The following ZNF251 variants were observed in gnomAD, a reference collection of about 807,000 sequenced individuals.
ZNF251 encodes zinc finger protein 251.
A neutral mutation model predicts 13.5 loss-of-function variants in ZNF251; 14 were observed. The observed-to-expected ratio is 1.04, with a 90% CI of 0.69 to 1.63. ZNF251 has a LOEUF of 1.63. Among genes scored for constraint, ZNF251 ranks in the 40% most tolerant of loss-of-function variants. The pLI is 0.00. For synonymous variants in ZNF251, 287 were observed against 295.2 expected, an observed-to-expected ratio of 0.97 and a Z score of 0.28; for missense variants, 764 against 834.9, an observed-to-expected ratio of 0.92 and a Z score of 1.05.
In ZNF251 at chr8:144,721,790, A is replaced by G; in HGVS notation, c.1870T>C (p.Cys624Arg). 1 of 1,484,818 alleles carries G rather than the reference A, an allele frequency of 6.7e-7. No individual in the cohort carries two copies. Among genetic ancestry groups the G allele is most frequent in the Non-Finnish European group, 9.0e-7 (1 of 1,117,256 alleles). 92.0% of individuals were successfully genotyped at this position (1,484,818 alleles called of 1,614,324 possible). A position where few individuals can be genotyped will look rare whatever the true frequency, so the allele number is the denominator to read the frequency against. Residue 624 changes from cysteine (C) to arginine (R), a missense_variant, in exon 5 of 5, where the codon TGC becomes CGC. Cys to Arg is a radical substitution (Grantham distance 180). Transcript: ENST00000292562. Reference sequence around the variant, plus strand: ...CTGAAGGCTTTCCCATACACACTGCAATGACATGGTTTCTGACCAGTGTGA... The same window carrying G: ...CTGAAGGCTTTCCCATACACACTGCGATGACATGGTTTCTGACCAGTGTGA... The part of the protein sequence containing the change: ...VTHTGQKPCH[C>R]SVYGKAFSQS...
intron 4 of ZNF251, among the ~76,000 whole-genome samples, chr8:144,750,534 CTTGT>C (rs1824643574): frequency 6.6e-6 from 1 of 152,190 alleles, no homozygotes; most frequent in African/African-American, 2.4e-5. Context: ...GAGGGCAGGT[CTTGT>C]TAAGAACAGA....
intron 1 of ZNF251, chr8:144,755,186 A>C: frequency 8.5e-7 from 1 of 1,171,500 alleles, no homozygotes; most frequent in African/African-American, 1.7e-5. Context: ...CGAAGGCCCC[A>C]GGCTCCGGGG....
At chr8:144,753,473 T>C (rs191627589) in intron 4 of ZNF251, 7 of 534,580 alleles carry the variant, frequency 1.3e-5, no homozygotes, top group Admixed American at 1.0e-4. Flanking sequence ...AAGTAGTATA[T>C]ATATATTTTT....
At chr8:144,750,449 ATT>A (rs775715259) in intron 4 of ZNF251, among the ~76,000 whole-genome samples, 44 of 152,218 alleles carry the variant, frequency 2.9e-4, no homozygotes, top group Non-Finnish European at 5.9e-4. Context: ...AGTGTTAGGT[ATT>A]TCCCTTCCCC....
chr8:144,730,639 C>T (rs1434140558), intron 4 of ZNF251, among the ~76,000 whole-genome samples: 3 of 152,204 alleles, frequency 2.0e-5, no homozygotes, highest in Non-Finnish European at 4.4e-5. Flanking sequence ...CCAACAAACA[C>T]GACTGAAACT....
At position 144,732,551 on chromosome 8, in the gene ZNF251, G is replaced by A. The variant is rs143882316; in HGVS notation, c.278-9169C>T. Reference sequence around the variant, plus strand: ...AGCCAAGCCGGGCGCGGTGGCTCACGCCTGTAATCCCAGCACTTGGGGAGG... The same window carrying A: ...AGCCAAGCCGGGCGCGGTGGCTCACACCTGTAATCCCAGCACTTGGGGAGG... On this transcript the variant is annotated intron_variant, in intron 4 of 4. Transcript: ENST00000292562. Among the ~76,000 whole-genome samples the A allele has an allele frequency of 5.4e-3, 825 of 151,952 alleles. 4 individuals are homozygous for A. Among genetic ancestry groups the A allele is most frequent in the South Asian group, 9.4e-3 (45 of 4,798 alleles).
At chr8:144,729,560 T>C (rs1012250259) in intron 4 of ZNF251, among the ~76,000 whole-genome samples, 1 of 152,034 alleles carries the variant, frequency 6.6e-6, no homozygotes, top group African/African-American at 2.4e-5. Context: ...ATGGTCTCGA[T>C]CTCCTGACCT....
rs367765073 is a variant in ZNF251 at position 144,732,668 on chromosome 8, T to C, written c.278-9286A>G. On this transcript the variant is annotated intron_variant, in intron 4 of 4. Coordinates refer to ENST00000292562, the MANE Select transcript of ZNF251 (RefSeq NM_138367.2). ...TCTACTAAAAATACAAAAAATTAGCTGGGTGTGGTGGCAGGCACTTATAGT... is the reference window on the plus strand; with the variant it reads ...TCTACTAAAAATACAAAAAATTAGCCGGGTGTGGTGGCAGGCACTTATAGT... Among the ~76,000 whole-genome samples the C allele has an allele frequency of 7.4e-3, 1,121 of 151,818 alleles. 7 individuals carry two copies. The highest frequency in any genetic ancestry group is 0.011 in the Admixed American group (165 of 15,216).
In ZNF251 at chr8:144,739,234, AC is replaced by A. The variant is rs1302730657; in HGVS notation, c.277+14448del. Among the ~76,000 whole-genome samples the A allele has an allele frequency of 7.0e-5, 6 of 86,114 alleles. No homozygotes were observed. In the East Asian group the frequency reaches 1.9e-3, roughly 27 times the overall value. 56.5% of individuals were successfully genotyped at this position (86,114 alleles called of 152,430 possible). On this transcript the variant is annotated intron_variant, in intron 4 of 4. Transcript: ENST00000292562. Reference sequence around the variant, plus strand: ...AACTAGGATCACAAATCACAACCCCACCCCCCCAAAACTAGGATCACAAATC... The same window carrying A: ...AACTAGGATCACAAATCACAACCCCACCCCCCAAAACTAGGATCACAAATC...
At chr8:144,731,042 G>C (rs1173944000) in intron 4 of ZNF251, among the ~76,000 whole-genome samples, 1 of 152,236 alleles carries the variant, frequency 6.6e-6, no homozygotes, top group Non-Finnish European at 1.5e-5. Context: ...TGCCCCAACA[G>C]GACTTAAATG....
At chr8:144,727,320 T>C (rs1212566619) in intron 4 of ZNF251, among the ~76,000 whole-genome samples, 1 of 152,226 alleles carries the variant, frequency 6.6e-6, no homozygotes, top group Non-Finnish European at 1.5e-5. Flanking sequence ...AGCCTGTCCT[T>C]TGAAGCTTTG....
chr8:144,742,513 A>G (rs764787851), intron 4 of ZNF251, among the ~76,000 whole-genome samples: 7 of 149,548 alleles, frequency 4.7e-5, no homozygotes, highest in African/African-American at 9.9e-5. Flanking sequence ...CGCAACAGTG[A>G]TAACAGCGTC....
chr8:144,728,380 G>C (rs1383161557), intron 4 of ZNF251, among the ~76,000 whole-genome samples: 1 of 152,002 alleles, frequency 6.6e-6, no homozygotes, highest in Admixed American at 6.6e-5. Context: ...AAAAAGGTTT[G>C]AGGCCAGGCG....
rs1823822893 is a variant in ZNF251 at position 144,734,591 on chromosome 8, G to A, written c.278-11209C>T. The stretch of plus-strand genomic sequence containing the variant: ...ACGGCGCTGGTGGGTGCTGACCCTG[G>A]GTCAGTGACCTCCCACAGAGGTCAC... On this transcript the variant is annotated intron_variant, in intron 4 of 4. Transcript: ENST00000292562. This position sits in a 1 kb window ranked among gnomAD's most constrained non-coding sequence, Gnocchi z 4.4. Among the ~76,000 whole-genome samples the A allele has an allele frequency of 6.6e-6, 1 of 152,144 alleles. No individual in the cohort carries two copies. Among genetic ancestry groups the A allele is most frequent in the African/African-American group, 2.4e-5 (1 of 41,428 alleles).
At chr8:144,730,569 T>A (rs1213891379) in intron 4 of ZNF251, among the ~76,000 whole-genome samples, 20 of 146,618 alleles carry the variant, frequency 1.4e-4, no homozygotes, top group African/African-American at 4.8e-4. Flanking sequence ...GTCCCGGGGG[T>A]GACACTGGCA....
chr8:144,750,666 T>C (rs1824648867), intron 4 of ZNF251, among the ~76,000 whole-genome samples: 1 of 152,126 alleles, frequency 6.6e-6, no homozygotes. Flanking sequence ...CTCACAAAAG[T>C]ATGGGGTCCT....
Position 144,734,088 on chromosome 8 carries a change from G to C in ZNF251, c.278-10706C>G, listed in dbSNP as rs946581363. ...CAGGTAAGCGTGGCTCTGTGTTTCC[G>C]AAATCCTGACCCAGGAGGCGCCCAC... On this transcript the variant is annotated intron_variant, in intron 4 of 4. Transcript: ENST00000292562. This position sits in a 1 kb window ranked among gnomAD's most constrained non-coding sequence, Gnocchi z 4.4. 6.6e-6 allele frequency among the ~76,000 whole-genome samples: 1 copy of C among 152,176 alleles called. No individual in the cohort carries two copies. The highest frequency in any genetic ancestry group is 6.5e-5 in the Admixed American group (1 of 15,282).
chr8:144,727,455 C>T (rs1033798618), intron 4 of ZNF251, among the ~76,000 whole-genome samples: 1 of 152,210 alleles, frequency 6.6e-6, no homozygotes, highest in Non-Finnish European at 1.5e-5. Context: ...ATCATCTTAG[C>T]TAGGTCTTCT....
At chr8:144,743,138 A>G (rs1322571376) in intron 4 of ZNF251, among the ~76,000 whole-genome samples, 1 of 151,286 alleles carries the variant, frequency 6.6e-6, no homozygotes, top group Admixed American at 6.6e-5. Context: ...ATCTGGGCTC[A>G]CTGCAAACTC....
Sources: allele counts gnomAD v4.1 joint callset (sites outside exome capture counted in the v4.1 genomes callset), GRCh38; gene constraint gnomAD v4.1.1; non-coding constraint Gnocchi (gnomAD v3.1); transcripts MANE v1.5; gene names NCBI Gene and HGNC (gene_info 2026-07-23, HGNC 2026-07-21).